The following ZNF736 variants were observed in gnomAD, a reference collection of about 807,000 sequenced individuals.
The protein encoded by ZNF736 is KRAB-containing zinc-finger repressor protein.
ZNF736 carries 6 observed loss-of-function variants against 11.7 expected under a neutral mutation model. The observed-to-expected ratio is 0.51, with a 90% CI of 0.28 to 1.01. The LOEUF is 1.01. Ranked by LOEUF, ZNF736 falls within the 50% of genes least tolerant of loss-of-function variation. ZNF736 has a pLI of 0.09. For missense variants in ZNF736, 444 were observed against 496.0 expected (o/e 0.90, Z 1.00); for synonymous variants, 139 against 164.7 (o/e 0.84, Z 1.19).
Position 64,352,026 on chromosome 7 carries a change from C to G in ZNF736, c.*2879C>G, listed in dbSNP as rs1789495683. ...CAAGGACAGTTGTACTGCAGAGGCCCCTGGAGGCTCTGTCCAGGGAGTTGC... is the reference window on the plus strand; with the variant it reads ...CAAGGACAGTTGTACTGCAGAGGCCGCTGGAGGCTCTGTCCAGGGAGTTGC... On this transcript the variant is annotated 3_prime_UTR_variant, in exon 4 of 4. Transcript: ENST00000423484. 6.6e-6 allele frequency: 1 copy of G among 152,134 alleles called. No individual in the cohort carries two copies. The highest frequency in any genetic ancestry group is 1.5e-5 in the Non-Finnish European group (1 of 68,052). The allele number at this position is 152,134 out of a possible 1,614,324, so 9.4% of individuals were successfully genotyped here. A position where few individuals can be genotyped will look rare whatever the true frequency, so the allele number is the denominator to read the frequency against.
At chr7:64,321,731 T>C (rs1329823060) in intron 1 of ZNF736, among the ~76,000 whole-genome samples, 6 of 152,210 alleles carry the variant, frequency 3.9e-5, no homozygotes, top group Non-Finnish European at 7.3e-5. Context: ...GACTAGTTTC[T>C]GAGTTCAAGA....
intron 1 of ZNF736, among the ~76,000 whole-genome samples, chr7:64,317,161 A>G (rs1239025914): frequency 2.6e-5 from 4 of 152,202 alleles, no homozygotes; most frequent in African/African-American, 9.7e-5. Context: ...CCATACATAC[A>G]TATCTTTGCT....
At chr7:64,338,739 T>C (rs1789295195) in intron 3 of ZNF736, among the ~76,000 whole-genome samples, 1 of 151,552 alleles carries the variant, frequency 6.6e-6, no homozygotes, top group Non-Finnish European at 1.5e-5. Flanking sequence ...GTGCAGTCAG[T>C]TTCCACAAAC....
intron 3 of ZNF736, among the ~76,000 whole-genome samples, chr7:64,345,267 C>A (rs1789392839): frequency 6.6e-6 from 1 of 151,326 alleles, no homozygotes; most frequent in African/African-American, 2.4e-5. Context: ...CATGATCTGC[C>A]CGCCTCGGCC....
intron 1 of ZNF736, among the ~76,000 whole-genome samples, chr7:64,316,645 T>A (rs185067172): frequency 2.8e-4 from 43 of 152,322 alleles, no homozygotes; most frequent in African/African-American, 9.1e-4. Flanking sequence ...GCACTACTTC[T>A]CCCTGTGTTT....
chr7:64,342,945 C>T (rs988737098), intron 3 of ZNF736, among the ~76,000 whole-genome samples: 2 of 151,554 alleles, frequency 1.3e-5, no homozygotes, highest in African/African-American at 4.9e-5. Context: ...GTTTTGCTTC[C>T]AAAGGTTGCC....
chr7:64,314,146 G>T lies in ZNF736; in HGVS notation c.-5G>T. ...GAGGACGGCGGAACATCTGGAGGCT[G>T]GGAAATGGTGAGTGCGTGGAGTGGG... On this transcript the variant is annotated 5_prime_UTR_variant, in exon 1 of 4. Coordinates refer to ENST00000423484, the MANE Select transcript of ZNF736 (RefSeq NM_001170905.3). 6.4e-7 allele frequency: 1 copy of T among 1,552,256 alleles called. No homozygotes were observed. The highest frequency in any genetic ancestry group is 8.7e-7 in the Non-Finnish European group (1 of 1,147,370).
intron 1 of ZNF736, among the ~76,000 whole-genome samples, chr7:64,316,677 C>T (rs1286024636): frequency 3.3e-5 from 5 of 151,982 alleles, no homozygotes; most frequent in African/African-American, 1.2e-4. Context: ...TATATATGTT[C>T]AGTTATTTCA....
intron 1 of ZNF736, among the ~76,000 whole-genome samples, chr7:64,320,190 AT>A (rs1399061423): frequency 6.6e-6 from 1 of 152,196 alleles, no homozygotes; most frequent in African/African-American, 2.4e-5. Flanking sequence ...CTCTTCTGTA[AT>A]CAAAACTTCT....
rs777651400 is a variant in ZNF736 at position 64,355,180 on chromosome 7, G to C, written c.*6033G>C. 1 of 163,986 alleles carries C rather than the reference G, an allele frequency of 6.1e-6. No homozygotes were observed. Among genetic ancestry groups the C allele is most frequent in the African/African-American group, 2.4e-5 (1 of 41,486 alleles). The allele number at this position is 163,986 out of a possible 1,614,324, so 10.2% of individuals were successfully genotyped here. Reference sequence around the variant, plus strand: ...ATGTTTCTACATTTAAACATCTACTGGGGGAGGCAGAGGCCAATTCTATGC... The same window carrying C: ...ATGTTTCTACATTTAAACATCTACTCGGGGAGGCAGAGGCCAATTCTATGC... On this transcript the variant is annotated 3_prime_UTR_variant, in exon 4 of 4. Transcript: ENST00000423484.
chr7:64,335,653 T>C (rs1789238325), intron 1 of ZNF736, among the ~76,000 whole-genome samples: 1 of 152,242 alleles, frequency 6.6e-6, no homozygotes, highest in Non-Finnish European at 1.5e-5. Flanking sequence ...AGCTCTTCTT[T>C]CTTCCTACCT....
At chr7:64,319,746 C>T (rs1584264688) in intron 1 of ZNF736, among the ~76,000 whole-genome samples, 2 of 151,880 alleles carry the variant, frequency 1.3e-5, no homozygotes, top group South Asian at 4.2e-4. Flanking sequence ...CTGCCTGCCT[C>T]GGCCTCCCAA....
chr7:64,335,688 G>C (rs1789238967), intron 1 of ZNF736, among the ~76,000 whole-genome samples: 1 of 152,174 alleles, frequency 6.6e-6, no homozygotes, highest in African/African-American at 2.4e-5. Context: ...GCTTGCTATG[G>C]AAAATGAAGG....
In ZNF736 at chr7:64,348,908, G is replaced by T. The variant is rs945104997; in HGVS notation, c.1045G>T (p.Ala349Ser). 1.9e-6 allele frequency: 3 copies of T among 1,606,868 alleles called. No homozygotes were observed. The highest frequency in any genetic ancestry group is 2.7e-5 in the African/African-American group (2 of 74,592). ...KPYICEECGK[A>S]FTRSSTLFNH... ...CTACATCTGTGAAGAATGTGGCAAA[G>T]CCTTTACCCGCTCCTCAACCCTTTT... is the stretch of plus-strand genomic sequence containing the variant. The change falls in exon 4 of 4, where the codon GCC (alanine) becomes TCC (serine). Residue 349 changes from alanine (A) to serine (S), a missense_variant. Physicochemically the swap from Ala to Ser is moderately conservative, Grantham distance 99. Coordinates refer to ENST00000423484, the MANE Select transcript of ZNF736 (RefSeq NM_001170905.3).
chr7:64,350,381 A>G lies in ZNF736; in HGVS notation c.*1234A>G, dbSNP rs148824427. 40 of 152,084 alleles carry G rather than the reference A, an allele frequency of 2.6e-4. No homozygotes were observed. The highest frequency in any genetic ancestry group is 8.7e-4 in the African/African-American group (36 of 41,472). 9.4% of individuals were successfully genotyped at this position (152,084 alleles called of 1,614,324 possible). On this transcript the variant is annotated 3_prime_UTR_variant, in exon 4 of 4. Transcript: ENST00000423484. ...TGTGATTACATTATAAAGGTTTTGT[A>G]TTGTGTTTTTCAGTTCTATCAGGTT...
rs1342429277 is a variant in ZNF736 at position 64,352,036 on chromosome 7, C to G, written c.*2889C>G. The G allele has an allele frequency of 6.6e-6, 1 of 152,210 alleles. No individual in the cohort carries two copies. The highest frequency in any genetic ancestry group is 2.4e-5 in the African/African-American group (1 of 41,414). The allele number at this position is 152,210 out of a possible 1,614,324, so 9.4% of individuals were successfully genotyped here. On this transcript the variant is annotated 3_prime_UTR_variant, in exon 4 of 4. Transcript: ENST00000423484. ...TGTACTGCAGAGGCCCCTGGAGGCT[C>G]TGTCCAGGGAGTTGCTAAGCTGCTA...
In ZNF736 at chr7:64,348,867, A is replaced by G. The variant is rs761427137; in HGVS notation, c.1004A>G (p.His335Arg). 6.2e-7 allele frequency: 1 copy of G among 1,607,116 alleles called. No homozygotes were observed. Among genetic ancestry groups the G allele is most frequent in the African/African-American group, 1.3e-5 (1 of 74,802 alleles). Residue 335 changes from histidine to arginine, a missense_variant, in exon 4 of 4, where the codon CAT becomes CGT. Transcript: ENST00000423484. ...GCCCTTAGTAAACATAAGAGAATTC[A>G]TACTGGAGAGAAACCCTACATCTGT... ...FSALSKHKRIHTGEKPYICEE... is the reference protein window; with the variant it reads ...FSALSKHKRIRTGEKPYICEE...
Position 64,349,885 on chromosome 7 carries a change from A to G in ZNF736, c.*738A>G, listed in dbSNP as rs1010259473. On this transcript the variant is annotated 3_prime_UTR_variant, in exon 4 of 4. Transcript: ENST00000423484. ...TTAAGAATGTTGAATATTGGCCCCT[A>G]TAATCTCTTTTGACTTGTAGGATTT... 2 of 152,174 alleles carry G rather than the reference A, an allele frequency of 1.3e-5. No homozygotes were observed. Among genetic ancestry groups the G allele is most frequent in the Non-Finnish European group, 1.5e-5 (1 of 68,074 alleles). 9.4% of individuals were successfully genotyped at this position (152,174 alleles called of 1,614,324 possible).
intron 1 of ZNF736, among the ~76,000 whole-genome samples, chr7:64,328,313 T>C (rs2115899199): frequency 6.6e-6 from 1 of 152,022 alleles, no homozygotes; most frequent in African/African-American, 2.4e-5. Flanking sequence ...GGATAAAAGT[T>C]CTGGCCTGTA....
Sources: gnomAD v4.1 joint callset for allele counts (sites outside exome capture counted in the v4.1 genomes callset) on GRCh38, gnomAD v4.1.1 for gene constraint, MANE v1.5 for transcripts, NCBI Gene and HGNC (gene_info 2026-07-23, HGNC 2026-07-21) for gene names.